AFAP1L2: variants seen among roughly 807,000 people sequenced by gnomAD.
AFAP1L2 encodes actin filament-associated protein 1-like 2.
In AFAP1L2, 46 loss-of-function variants were observed where a neutral mutation model predicts 99.3. The ratio of observed to expected loss-of-function variants is 0.46; its 90% CI spans 0.37 to 0.59. The LOEUF (loss-of-function observed/expected upper bound fraction) is 0.59. Ranked by LOEUF, AFAP1L2 falls within the 20% of genes least tolerant of loss-of-function variation. The probability of loss-of-function intolerance (pLI) is 0.00; values close to 1 mark genes in which losing one functional copy is unlikely to be tolerated. For missense variants in AFAP1L2, 959 were observed against 1,034.9 expected (o/e 0.93, Z 1.01); for synonymous variants, 397 against 419.1 (o/e 0.95, Z 0.64).
intron 5 of AFAP1L2, among the ~76,000 whole-genome samples, chr10:114,315,978 GT>G (rs2044075575): frequency 6.6e-6 from 1 of 152,208 alleles, no homozygotes; most frequent in Non-Finnish European, 1.5e-5. Flanking sequence ...GATGCTGCCT[GT>G]GGCCACAAAA....
Position 114,363,618 on chromosome 10 carries a change from C to T in AFAP1L2, c.17-22887G>A, listed in dbSNP as rs73369111. Among the ~76,000 whole-genome samples the T allele has an allele frequency of 1.0e-3, 152 of 152,322 alleles. 1 individual carries two copies. The highest frequency in any genetic ancestry group is 3.5e-3 in the African/African-American group (145 of 41,576). On this transcript the variant is annotated intron_variant, in intron 1 of 18. Transcript: ENST00000304129. ...ATGCTGAGTTAAGTAACTTTCCTAA[C>T]GTTATAGATGAAACAGGTGGCAGAG... is the stretch of plus-strand genomic sequence containing the variant.
intron 1 of AFAP1L2, among the ~76,000 whole-genome samples, chr10:114,348,527 A>T (rs1786909229): frequency 6.6e-6 from 1 of 150,448 alleles, no homozygotes; most frequent in Admixed American, 6.6e-5. Context: ...GTGTAGATGT[A>T]GGAAGAATCT....
chr10:114,327,147 TTA>T (rs369500918), intron 4 of AFAP1L2, among the ~76,000 whole-genome samples: 34,156 of 54,496 alleles, frequency 0.63, 9,958 homozygotes, highest in Admixed American at 0.7. Flanking sequence ...TTATATATAT[TTA>T]TATATATATA....
intron 1 of AFAP1L2, among the ~76,000 whole-genome samples, chr10:114,351,572 C>CG (rs1394291191): frequency 6.6e-6 from 1 of 152,104 alleles, no homozygotes; most frequent in Admixed American, 6.6e-5. Context: ...TGGAGTCAAC[C>CG]GGGGGGAGGC....
chr10:114,402,469 A>C (rs1256464451), intron 1 of AFAP1L2, among the ~76,000 whole-genome samples: 1 of 152,208 alleles, frequency 6.6e-6, no homozygotes, highest in Non-Finnish European at 1.5e-5. Flanking sequence ...AAACACTGGA[A>C]TTTGAGTTGG....
chr10:114,379,194 C>G lies in AFAP1L2; in HGVS notation c.16+25246G>C, dbSNP rs1190708294. Reference sequence around the variant, plus strand: ...CACCACTGCACTCCAGCCTGGACGACAGAGTGAGACTCTGTCTCAAAAAAA... The same window carrying G: ...CACCACTGCACTCCAGCCTGGACGAGAGAGTGAGACTCTGTCTCAAAAAAA... On this transcript the variant is annotated intron_variant, in intron 1 of 18. Coordinates refer to ENST00000304129, the MANE Select transcript of AFAP1L2 (RefSeq NM_001001936.3). 2.1e-5 allele frequency among the ~76,000 whole-genome samples: 3 copies of G among 140,128 alleles called. No individual in the cohort carries two copies. In the Admixed American group the frequency reaches 2.3e-4, roughly 11 times the overall value. The allele number at this position is 140,128 out of a possible 152,430, so 91.9% of individuals were successfully genotyped here. A position where few individuals can be genotyped will look rare whatever the true frequency, so the allele number is the denominator to read the frequency against.
At chr10:114,360,529 A>T (rs7076714) in intron 1 of AFAP1L2, among the ~76,000 whole-genome samples, 12 of 134,386 alleles carry the variant, frequency 8.9e-5, no homozygotes, top group South Asian at 7.0e-4. Flanking sequence ...AGATAGATAG[A>T]TAGATAGATA....
chr10:114,360,505 A>T lies in AFAP1L2; in HGVS notation c.17-19774T>A, dbSNP rs201139903. Among the ~76,000 whole-genome samples, 488 of 104,248 alleles carry T rather than the reference A, an allele frequency of 4.7e-3. 3 individuals are homozygous for T. Among genetic ancestry groups the T allele is most frequent in the African/African-American group, 0.015 (421 of 28,016 alleles). 68.4% of individuals were successfully genotyped at this position (104,248 alleles called of 152,430 possible). ...AATATCTAGATAGATAGATAGATAG[A>T]TAGTTAGATAGATAGATAGATAGAT... is the stretch of plus-strand genomic sequence containing the variant. On this transcript the variant is annotated intron_variant, in intron 1 of 18. Transcript: ENST00000304129.
chr10:114,293,687 G>C (rs78011127), downstream of AFAP1L2, among the ~76,000 whole-genome samples: 413 of 152,132 alleles, frequency 2.7e-3, 1 homozygote, highest in Admixed American at 3.5e-3. Flanking sequence ...ATTGCATATA[G>C]GCCATAAATT....
intron 5 of AFAP1L2, among the ~76,000 whole-genome samples, chr10:114,321,279 T>C (rs1415636577): frequency 6.6e-6 from 1 of 152,112 alleles, no homozygotes; most frequent in Non-Finnish European, 1.5e-5. Flanking sequence ...CCCCCGCTAG[T>C]CCCCAAAGTC....
Position 114,310,939 on chromosome 10 carries a change from C to T in AFAP1L2, c.793-496G>A, listed in dbSNP as rs527839570. ...TGTTCCAACCACCCTCTGGCTCTCCCGACTCGCCTGCCGCCACCCACCCGC... is the reference window on the plus strand; with the variant it reads ...TGTTCCAACCACCCTCTGGCTCTCCTGACTCGCCTGCCGCCACCCACCCGC... On this transcript the variant is annotated intron_variant, in intron 7 of 18. Coordinates refer to ENST00000304129, the MANE Select transcript of AFAP1L2 (RefSeq NM_001001936.3). Among the ~76,000 whole-genome samples the T allele has an allele frequency of 7.6e-5, 11 of 145,648 alleles. No individual in the cohort carries two copies. The East Asian group carries it at 1.3e-3, about 17-fold the overall frequency.
chr10:114,315,467 T>C (rs2043967500), intron 6 of AFAP1L2, 93 bp downstream of exon 6: 1 of 1,331,722 alleles, frequency 7.5e-7, no homozygotes, highest in Non-Finnish European at 1.0e-6. Context: ...TCGAAACCTC[T>C]GAGGTCAGGG....
rs183406725 is a variant in AFAP1L2 at position 114,314,721 on chromosome 10, A to G, written c.613-671T>C. ...CACGCAACTGGGAATTTTAATTTAAAATAGCAGGAAACAGGACTGTTGTCA... is the reference window on the plus strand; with the variant it reads ...CACGCAACTGGGAATTTTAATTTAAGATAGCAGGAAACAGGACTGTTGTCA... On this transcript the variant is annotated intron_variant, in intron 6 of 18. Transcript: ENST00000304129. 2.5e-3 allele frequency among the ~76,000 whole-genome samples: 377 copies of G among 152,226 alleles called. 2 individuals carry two copies. Among genetic ancestry groups the G allele is most frequent in the African/African-American group, 8.8e-3 (364 of 41,570 alleles).
intron 1 of AFAP1L2, among the ~76,000 whole-genome samples, chr10:114,376,231 T>C (rs2054779707): frequency 6.6e-6 from 1 of 152,192 alleles, no homozygotes; most frequent in Non-Finnish European, 1.5e-5. Flanking sequence ...CATAAACACA[T>C]TGACTTGTGA....
chr10:114,326,017 G>A (rs1292567867), intron 4 of AFAP1L2: 9 of 1,199,598 alleles, frequency 7.5e-6, no homozygotes, highest in Non-Finnish European at 9.6e-6. Context: ...GGGCACCCGA[G>A]ATCTGGCCCA....
At chr10:114,378,908 T>C (rs1056097469) in intron 1 of AFAP1L2, among the ~76,000 whole-genome samples, 2 of 152,088 alleles carry the variant, frequency 1.3e-5, no homozygotes, top group African/African-American at 4.8e-5. Flanking sequence ...TGATCGGGAC[T>C]AAATATACTA....
intron 2 of AFAP1L2, among the ~76,000 whole-genome samples, chr10:114,339,532 C>T (rs2048477397): frequency 6.6e-6 from 1 of 152,260 alleles, no homozygotes; most frequent in Non-Finnish European, 1.5e-5. Flanking sequence ...TCGGGCCCAA[C>T]TCGGGTCAGT....
chr10:114,394,435 G>C (rs2057475025), intron 1 of AFAP1L2, among the ~76,000 whole-genome samples: 1 of 129,526 alleles, frequency 7.7e-6, no homozygotes, highest in East Asian at 2.2e-4. Flanking sequence ...CCAGAGGCCT[G>C]GGGACCAGGA....
the AFAP1L2 span, chr10:114,286,386 C>T: frequency 3.7e-5 from 60 of 1,613,690 alleles, 1 homozygote; most frequent in Middle Eastern, 4.9e-4. Context: ...GGCAGTGAGG[C>T]CGTGCGGGCA....
Sources: allele counts gnomAD v4.1 joint callset (sites outside exome capture counted in the v4.1 genomes callset), GRCh38; gene constraint gnomAD v4.1.1; transcripts MANE v1.5; gene names NCBI Gene and HGNC (gene_info 2026-07-23, HGNC 2026-07-21).